USP25: variants seen among roughly 807,000 people sequenced by gnomAD.
USP25 encodes ubiquitin carboxyl-terminal hydrolase 25.
USP25 carries 85 observed loss-of-function variants against 158.5 expected under a neutral mutation model. The observed-to-expected ratio is 0.54, with a 90% confidence interval of 0.45 to 0.64. The LOEUF is 0.64. Among genes scored for constraint, USP25 ranks in the 30% least tolerant of loss-of-function variants. USP25 has a pLI of 0.00. For missense variants in USP25, 1,242 were observed against 1,327.3 expected, an observed-to-expected ratio of 0.94 and a Z score of 1.00; for synonymous variants, 464 against 460.4, an observed-to-expected ratio of 1.01 and a Z score of -0.10.
At chr21:15,855,748 G>T (rs936626661) in intron 20 of USP25, among the ~76,000 whole-genome samples, 1 of 152,148 alleles carries the variant, frequency 6.6e-6, no homozygotes, top group Non-Finnish European at 1.5e-5. Flanking sequence ...GTTTACCCAT[G>T]TGACCACCAA....
At chr21:15,817,063 C>A (rs765246446) in intron 9 of USP25, among the ~76,000 whole-genome samples, 1 of 148,354 alleles carries the variant, frequency 6.7e-6, no homozygotes, top group Non-Finnish European at 1.5e-5. Flanking sequence ...ACTCAGGAGG[C>A]GGAGTTTGCA....
chr21:15,826,179 C>A lies in USP25; in HGVS notation c.1305-25C>A. 1 of 1,610,172 alleles carries A rather than the reference C, an allele frequency of 6.2e-7. No individual in the cohort carries two copies. Among genetic ancestry groups the A allele is most frequent in the Non-Finnish European group, 8.5e-7 (1 of 1,177,592 alleles). On this transcript the variant is annotated intron_variant, in intron 12 of 25. Coordinates refer to ENST00000400183, the MANE Select transcript of USP25 (RefSeq NM_001283041.3). This position sits in a 1 kb window ranked among gnomAD's most constrained non-coding sequence, Gnocchi z 4.8. ...AATATGCTGTATATAGAAATAAAAG[C>A]ATTTGTACATTTTATGATTAACAGA... is the stretch of plus-strand genomic sequence containing the variant.
chr21:15,796,379 T>C (rs1203249489), intron 5 of USP25, among the ~76,000 whole-genome samples: 1 of 151,536 alleles, frequency 6.6e-6, no homozygotes, highest in African/African-American at 2.4e-5. Flanking sequence ...ACCAACCTTT[T>C]GAGGGCATCA....
chr21:15,828,493 G>C (rs1474432414), intron 14 of USP25, among the ~76,000 whole-genome samples: 2 of 152,162 alleles, frequency 1.3e-5, no homozygotes, highest in Admixed American at 6.5e-5. Context: ...GTAAGAGAGA[G>C]GGACGAATCG....
intron 1 of USP25, among the ~76,000 whole-genome samples, chr21:15,753,858 A>G (rs2033196101): frequency 6.6e-6 from 1 of 152,024 alleles, no homozygotes; most frequent in African/African-American, 2.4e-5. Flanking sequence ...GAAGGGTCAC[A>G]TGATTGAAGC....
chr21:15,734,969 G>A (rs8127158), intron 1 of USP25, among the ~76,000 whole-genome samples: 35,248 of 152,044 alleles, frequency 0.23, 5,540 homozygotes, highest in African/African-American at 0.45. Context: ...TGAAGTGAGT[G>A]CTATTTTTCT....
intron 20 of USP25, among the ~76,000 whole-genome samples, chr21:15,863,267 T>C (rs1026608275): frequency 6.6e-6 from 1 of 152,094 alleles, no homozygotes; most frequent in Non-Finnish European, 1.5e-5. Context: ...TATTTGTATA[T>C]TATGAGGTAT....
At chr21:15,790,751 G>C (rs1465467117) in intron 4 of USP25, among the ~76,000 whole-genome samples, 1 of 151,146 alleles carries the variant, frequency 6.6e-6, no homozygotes, top group African/African-American at 2.4e-5. Context: ...GGGTTTTCCA[G>C]TTATGATTAT....
At chr21:15,871,206 A>G (rs538815230) in intron 23 of USP25, among the ~76,000 whole-genome samples, 1 of 152,346 alleles carries the variant, frequency 6.6e-6, no homozygotes, top group African/African-American at 2.4e-5. Context: ...AGTACAAATT[A>G]TTTAAAGTCC....
At chr21:15,855,268 A>G (rs1220258808) in intron 20 of USP25, among the ~76,000 whole-genome samples, 1 of 152,126 alleles carries the variant, frequency 6.6e-6, no homozygotes, top group African/African-American at 2.4e-5. Flanking sequence ...TCATTGCTTC[A>G]TAATAATGGT....
intron 5 of USP25, among the ~76,000 whole-genome samples, chr21:15,791,941 GGAAA>G (rs1023592541): frequency 3.3e-4 from 50 of 151,702 alleles, no homozygotes; most frequent in Admixed American, 1.5e-3. Flanking sequence ...TTGTTGGGGT[GGAAA>G]GAGTTTTGTA....
chr21:15,818,563 T>G, intron 9 of USP25, 135 bp from the exon 10 acceptor site: 2 of 733,006 alleles, frequency 2.7e-6, no homozygotes, highest in Non-Finnish European at 4.3e-6. Context: ...AACAGGAAAA[T>G]TAACACTAAC....
intron 8 of USP25, among the ~76,000 whole-genome samples, chr21:15,809,641 G>A (rs9977000): frequency 0.2 from 30,432 of 152,046 alleles, 4,750 homozygotes; most frequent in African/African-American, 0.44. Flanking sequence ...CAGCAATTCT[G>A]CTTCTTGGTG....
rs773808220 is a variant in USP25, at chr21:15,864,387, A to G, written c.2667A>G (p.Lys889=). The change falls in exon 21 of 26, where the codon AAA becomes AAG. Residue 889 remains lysine, a synonymous_variant. Transcript: ENST00000400183. ...VYFIQNQAPK[K]IIEKTLLEQF... ...TTATCCAGAACCAGGCACCAAAGAA[A>G]ATTATTGAGAAAACATTACTAGAAC... 10 of 1,612,532 alleles carry G rather than the reference A, an allele frequency of 6.2e-6. No homozygotes were observed. The highest frequency in any genetic ancestry group is 1.1e-5 in the South Asian group (1 of 90,466).
chr21:15,791,830 CTT>C (rs1279402075), intron 5 of USP25, among the ~76,000 whole-genome samples, 166 bp downstream of exon 5: 1 of 151,790 alleles, frequency 6.6e-6, no homozygotes, highest in Non-Finnish European at 1.5e-5. Context: ...TCCCATCCCT[CTT>C]TGTTTTTCAT....
chr21:15,878,255 G>A (rs373420487), intron 25 of USP25, 48 bp from the exon 26 acceptor site: 31 of 1,570,996 alleles, frequency 2.0e-5, no homozygotes, highest in South Asian at 1.8e-4. Flanking sequence ...GACAATGATC[G>A]TGTAATAATT....
chr21:15,858,957 A>G (rs914367228), intron 20 of USP25, among the ~76,000 whole-genome samples: 1 of 151,744 alleles, frequency 6.6e-6, no homozygotes, highest in African/African-American at 2.4e-5. Flanking sequence ...GTTAACTTTG[A>G]TCTATGTTTA....
intron 7 of USP25, among the ~76,000 whole-genome samples, chr21:15,807,156 G>T (rs1480158540): frequency 6.6e-6 from 1 of 152,034 alleles, no homozygotes; most frequent in Non-Finnish European, 1.5e-5. Context: ...TCGAACTCCT[G>T]GGCTCAAGCT....
rs185419670 is a variant in USP25 at position 15,762,568 on chromosome 21, G to T, written c.46-323G>T. Among the ~76,000 whole-genome samples the T allele has an allele frequency of 4.6e-5, 7 of 152,124 alleles. No individual in the cohort carries two copies. The East Asian group carries it at 7.7e-4, about 17-fold the overall frequency. On this transcript the variant is annotated intron_variant, in intron 1 of 25. Coordinates refer to ENST00000400183, the MANE Select transcript of USP25 (RefSeq NM_001283041.3). ...CCTTGTGCTTACCATCATGGATAAG[G>T]CCCCTTTTCTTGTTAGGTGGCATAA...
Sources: allele counts gnomAD v4.1 joint callset (sites outside exome capture counted in the v4.1 genomes callset), GRCh38; gene constraint gnomAD v4.1.1; non-coding constraint Gnocchi (gnomAD v3.1); transcripts MANE v1.5; gene names NCBI Gene and HGNC (gene_info 2026-07-23, HGNC 2026-07-21).